The following SAMD3 variants were observed in gnomAD, a reference collection of about 807,000 sequenced individuals.
SAMD3 encodes sterile alpha motif domain-containing protein 3.
SAMD3 carries 63 observed loss-of-function variants against 58.5 expected under a neutral mutation model. That is an observed-to-expected ratio of 1.08 (90% confidence interval 0.88 to 1.33). The LOEUF (loss-of-function observed/expected upper bound fraction) is 1.33, where lower values mean the gene tolerates loss of function less well. SAMD3 is among the 40% of genes most tolerant of loss of function. The pLI, the probability that SAMD3 is intolerant of heterozygous loss-of-function variation, is 0.00. For missense variants in SAMD3, 604 were observed against 608.4 expected (o/e 0.99, Z 0.08); for synonymous variants, 220 against 210.3 (o/e 1.05, Z -0.40).
chr6:130,223,326 C>T (rs115759729), upstream of SAMD3, among the ~76,000 whole-genome samples: 814 of 152,316 alleles, frequency 5.3e-3, 11 homozygotes, highest in African/African-American at 0.019. Flanking sequence ...CTAAAATGCA[C>T]AAACCTTTAT....
chr6:130,237,084 T>G (rs563016933), intron 2 of SAMD3, among the ~76,000 whole-genome samples: 43 of 145,380 alleles, frequency 3.0e-4, no homozygotes, highest in African/African-American at 1.1e-3. Context: ...ATGACTACTA[T>G]GTACTACATT....
chr6:130,177,036 A>G (rs75994962), intron 7 of SAMD3, among the ~76,000 whole-genome samples: 1,531 of 152,310 alleles, frequency 0.01, 41 homozygotes, highest in African/African-American at 0.036. Flanking sequence ...AGAATCTCAT[A>G]GGAACTTTTG....
intron 2 of SAMD3, among the ~76,000 whole-genome samples, chr6:130,237,212 G>T (rs1773187606): frequency 6.6e-6 from 1 of 152,160 alleles, no homozygotes; most frequent in Non-Finnish European, 1.5e-5. Context: ...GGTCTGGGTA[G>T]TGAGGCGCTA....
At chr6:130,356,529 ATG>A (rs1292514713) in intron 1 of SAMD3, among the ~76,000 whole-genome samples, 1 of 152,222 alleles carries the variant, frequency 6.6e-6, no homozygotes, top group Non-Finnish European at 1.5e-5. Context: ...TATATTACAT[ATG>A]TAATTATTAT....
chr6:130,207,781 T>C (rs950170657), intron 5 of SAMD3, among the ~76,000 whole-genome samples: 3 of 152,170 alleles, frequency 2.0e-5, no homozygotes, highest in East Asian at 3.9e-4. Context: ...CAAGAGTCAG[T>C]GGGCCCTAAC....
chr6:130,268,594 A>G (rs1361896821), intron 2 of SAMD3, among the ~76,000 whole-genome samples: 1 of 152,094 alleles, frequency 6.6e-6, no homozygotes, highest in Non-Finnish European at 1.5e-5. Context: ...TTTGATGTTT[A>G]TACCATATTT....
At chr6:130,160,991 TA>T (rs1370800411) in intron 8 of SAMD3, 6 of 152,150 alleles carry the variant, frequency 3.9e-5, no homozygotes, top group Admixed American at 2.0e-4. Context: ...CAAGCAAAAC[TA>T]AGCAATATAT....
chr6:130,315,359 C>G (rs1004426408), intron 1 of SAMD3, among the ~76,000 whole-genome samples: 1 of 152,086 alleles, frequency 6.6e-6, no homozygotes, highest in Non-Finnish European at 1.5e-5. Flanking sequence ...TTCATAAGAA[C>G]CAGTGAATGT....
At chr6:130,191,040 A>G (rs1054938627) in intron 5 of SAMD3, among the ~76,000 whole-genome samples, 12 of 151,698 alleles carry the variant, frequency 7.9e-5, no homozygotes, top group Non-Finnish European at 1.6e-4. Context: ...GCAAGTCCAC[A>G]TTCAATACTT....
Position 130,349,676 on chromosome 6 carries a change from T to C in SAMD3, c.-304+15444A>G, listed in dbSNP as rs1410002303. ...GCTGGTACCATTCCTTCTGAAATTA[T>C]TCCAATCAATAGAAAAAGAGGGAAT... On this transcript the variant is annotated intron_variant, in intron 1 of 13. Coordinates refer to the SAMD3 transcript ENST00000368134. 2.6e-5 allele frequency among the ~76,000 whole-genome samples: 4 copies of C among 152,324 alleles called. No individual in the cohort carries two copies. In the East Asian group the frequency reaches 7.7e-4, roughly 29 times the overall value.
At chr6:130,217,767 T>C (rs970026920) in intron 1 of SAMD3, among the ~76,000 whole-genome samples, 1 of 152,246 alleles carries the variant, frequency 6.6e-6, no homozygotes, top group African/African-American at 2.4e-5. Context: ...TCTTTCTTTC[T>C]ATTTGCATTT....
intron 1 of SAMD3, among the ~76,000 whole-genome samples, chr6:130,321,811 GA>G (rs200714770): frequency 3.9e-4 from 59 of 151,028 alleles, no homozygotes; most frequent in African/African-American, 1.4e-3. Context: ...TATAAAATTT[GA>G]AAAAAAAGTC....
At chr6:130,265,957 A>G (rs1013222183) in intron 2 of SAMD3, among the ~76,000 whole-genome samples, 37 of 152,332 alleles carry the variant, frequency 2.4e-4, no homozygotes, top group African/African-American at 7.9e-4. Context: ...CATGTCATTT[A>G]GGCTACTTGG....
chr6:130,162,137 C>T (rs905791257), intron 8 of SAMD3: 6 of 632,970 alleles, frequency 9.5e-6, no homozygotes, highest in Non-Finnish European at 1.7e-5. Flanking sequence ...AGAGCGTATG[C>T]TATGCTTCCT....
intron 2 of SAMD3, among the ~76,000 whole-genome samples, chr6:130,305,336 T>C (rs769177010): frequency 6.6e-6 from 1 of 152,240 alleles, no homozygotes; most frequent in Non-Finnish European, 1.5e-5. Context: ...GTTTTATGTG[T>C]AAACTTTCAA....
At chr6:130,147,123 C>T (rs191130061) in intron 9 of SAMD3, among the ~76,000 whole-genome samples, 17 of 152,328 alleles carry the variant, frequency 1.1e-4, no homozygotes, top group African/African-American at 3.6e-4. Context: ...TCCACCACCA[C>T]TCCCCCTCCT....
At chr6:130,245,887 C>A (rs1407405923) in intron 2 of SAMD3, among the ~76,000 whole-genome samples, 1 of 152,018 alleles carries the variant, frequency 6.6e-6, no homozygotes, top group East Asian at 1.9e-4. Flanking sequence ...TGTGTCTTCC[C>A]TCAGTTACAC....
At position 130,175,876 on chromosome 6, in the gene SAMD3, TA is replaced by T. The variant is rs1562398335; in HGVS notation, c.786del (p.Asp262GlufsTer2). 6.2e-7 allele frequency: 1 copy of T among 1,612,764 alleles called. No homozygotes were observed. The highest frequency in any genetic ancestry group is 1.3e-5 in the African/African-American group (1 of 74,894). ...ACAAGTTTAATTTCATCAAATCTTA[TA>T]TCAGCAAGAGATTTCCTTGTCTGGC... ...RRGQTRKSLADIRFDEIKLVQ... is the reference protein window; with the variant it reads ...RRGQTRKSLAXIRFDEIKLVQ... On this transcript the variant is annotated frameshift_variant, in exon 8 of 12. Coordinates refer to ENST00000439090, the MANE Select transcript of SAMD3 (RefSeq NM_001017373.4). LOFTEE classifies it high-confidence loss of function.
At chr6:130,198,081 C>T (rs1794306030) in intron 5 of SAMD3, among the ~76,000 whole-genome samples, 1 of 152,156 alleles carries the variant, frequency 6.6e-6, no homozygotes, top group Admixed American at 6.6e-5. Flanking sequence ...CTTTACCTAC[C>T]CAAATCCTAT....
Sources: allele counts gnomAD v4.1 joint callset (sites outside exome capture counted in the v4.1 genomes callset), GRCh38; gene constraint gnomAD v4.1.1; transcripts MANE v1.5; gene names NCBI Gene and HGNC (gene_info 2026-07-23, HGNC 2026-07-21).